KLHL32: variants seen among roughly 807,000 people sequenced by gnomAD.
The protein encoded by KLHL32 is kelch-like protein 32.
A neutral mutation model predicts 64.8 loss-of-function variants in KLHL32; 35 were observed. That is an observed-to-expected ratio of 0.54 (90% CI 0.41 to 0.72). The LOEUF (loss-of-function observed/expected upper bound fraction) is 0.72. Ranked by LOEUF, KLHL32 falls within the 30% of genes least tolerant of loss-of-function variation. The pLI is 0.00. For missense variants in KLHL32, 589 were observed against 768.5 expected, an observed-to-expected ratio of 0.77 and a Z score of 2.76; for synonymous variants, 259 against 281.0, an observed-to-expected ratio of 0.92 and a Z score of 0.78.
intron 3 of KLHL32, among the ~76,000 whole-genome samples, chr6:97,040,163 G>GT (rs1427509184): frequency 6.6e-6 from 1 of 151,898 alleles, no homozygotes; most frequent in African/African-American, 2.4e-5. Context: ...TTTTGGTTTT[G>GT]TTTTTTATGA....
At chr6:96,973,816 G>T (rs1476276859) in intron 2 of KLHL32, among the ~76,000 whole-genome samples, 1 of 147,562 alleles carries the variant, frequency 6.8e-6, no homozygotes, top group Non-Finnish European at 1.5e-5. Flanking sequence ...TCCACCTACT[G>T]GGTTCAAGCA....
At chr6:96,957,486 G>A (rs1562191246) in intron 1 of KLHL32, among the ~76,000 whole-genome samples, 1 of 152,164 alleles carries the variant, frequency 6.6e-6, no homozygotes, top group African/African-American at 2.4e-5. Context: ...TCTACATTGT[G>A]TCATCTATAA....
chr6:96,940,070 G>A (rs558886953), intron 1 of KLHL32, among the ~76,000 whole-genome samples: 4 of 152,256 alleles, frequency 2.6e-5, no homozygotes, highest in East Asian at 3.9e-4. Flanking sequence ...CTGCAAGTGC[G>A]AAGGTAACAT....
chr6:97,090,212 C>T lies in KLHL32; in HGVS notation c.627+4871C>T, dbSNP rs141641259. Among the ~76,000 whole-genome samples, 382 of 152,270 alleles carry T rather than the reference C, an allele frequency of 2.5e-3. 2 individuals carry two copies. Among genetic ancestry groups the T allele is most frequent in the Middle Eastern group, 0.017 (5 of 294 alleles). On this transcript the variant is annotated intron_variant, in intron 6 of 10. Coordinates refer to ENST00000369261, the MANE Select transcript of KLHL32 (RefSeq NM_052904.4). ...AAAATGTATTGAATGGATAATAAGA[C>T]ATCCTACTATTCCTACATTAGGCTG... is the stretch of plus-strand genomic sequence containing the variant.
chr6:96,988,884 C>T (rs942625479), intron 3 of KLHL32, among the ~76,000 whole-genome samples: 1 of 151,764 alleles, frequency 6.6e-6, no homozygotes, highest in African/African-American at 2.4e-5. Context: ...TGTTCTCACT[C>T]ACAGGTGGGA....
chr6:97,021,488 G>T (rs1368070446), intron 3 of KLHL32, among the ~76,000 whole-genome samples: 3 of 150,730 alleles, frequency 2.0e-5, no homozygotes, highest in Admixed American at 6.6e-5. Context: ...CTCTTTTTCA[G>T]TCTTTTGATT....
intron 9 of KLHL32, among the ~76,000 whole-genome samples, chr6:97,132,018 TTCTG>T (rs1400668296): frequency 6.6e-6 from 1 of 152,194 alleles, no homozygotes; most frequent in Admixed American, 6.5e-5. Context: ...TAGTGAGTTA[TTCTG>T]TCTTCTTTTT....
intron 8 of KLHL32, among the ~76,000 whole-genome samples, chr6:97,128,866 G>A (rs1766530): frequency 0.74 from 112,542 of 152,254 alleles, 42,183 homozygotes; most frequent in African/African-American, 0.87. Context: ...ACCAGATGGC[G>A]TCCATAGTCT....
intron 7 of KLHL32, among the ~76,000 whole-genome samples, chr6:97,121,645 G>T (rs540696537): frequency 5.6e-4 from 85 of 151,524 alleles, no homozygotes; most frequent in Admixed American, 3.3e-4. Flanking sequence ...GTTTTGTTTT[G>T]TTTTTTTTAA....
rs1256098671 is a variant in KLHL32 at position 97,114,040 on chromosome 6, T to C, written c.885T>C (p.Gly295=). 1.9e-6 allele frequency: 3 copies of C among 1,613,958 alleles called. No individual in the cohort carries two copies. The highest frequency in any genetic ancestry group is 2.5e-6 in the Non-Finnish European group (3 of 1,180,024). Residue 295 remains glycine (G), a synonymous_variant, in exon 7 of 11, where the codon GGT becomes GGC. Transcript: ENST00000369261. ...AGTCAGACACTCTGTATATCATTGG[T>C]GGGAAAAAGCGCGAGGTCTGCAAGG... ...RFQSDTLYII[G]GKKREVCKVK...
chr6:97,115,085 G>A (rs758426550), intron 7 of KLHL32, among the ~76,000 whole-genome samples: 5 of 152,122 alleles, frequency 3.3e-5, no homozygotes, highest in Non-Finnish European at 4.4e-5. Context: ...GTGCCATCTC[G>A]ACTCACTGCA....
chr6:97,081,116 C>T (rs1245271713), intron 5 of KLHL32, among the ~76,000 whole-genome samples: 1 of 152,186 alleles, frequency 6.6e-6, no homozygotes, highest in African/African-American at 2.4e-5. Context: ...ACAGACCACA[C>T]CTCCAGGACT....
intron 2 of KLHL32, among the ~76,000 whole-genome samples, chr6:96,973,460 G>A (rs1007104606): frequency 6.6e-6 from 1 of 152,164 alleles, no homozygotes; most frequent in Non-Finnish European, 1.5e-5. Flanking sequence ...TAAAAGTGGA[G>A]AAAGTAAGTT....
rs141921333 is a variant in KLHL32, at chr6:97,114,383, C to T, written c.1228C>T (p.Arg410Cys). The T allele has an allele frequency of 1.4e-4, 230 of 1,614,068 alleles. No homozygotes were observed. The highest frequency in any genetic ancestry group is 1.7e-4 in the Non-Finnish European group (199 of 1,180,044). ...TGCAGTTGGGGGCAGAAATGAACTG[C>T]GCCAGGTTCTGCCTACAGTTGAGCG... ...LYAVGGRNEL[R>C]QVLPTVERYC... The change falls in exon 7 of 11, where the codon CGC becomes TGC. Residue 410 changes from arginine to cysteine, a missense_variant. Arg to Cys is a radical substitution (Grantham distance 180). Coordinates refer to ENST00000369261, the MANE Select transcript of KLHL32 (RefSeq NM_052904.4).
intron 6 of KLHL32, among the ~76,000 whole-genome samples, chr6:97,094,788 A>AT (rs951739520): frequency 1.3e-5 from 2 of 152,204 alleles, no homozygotes; most frequent in Non-Finnish European, 2.9e-5. Context: ...GGTATTACTT[A>AT]TGCTTCAAGA....
Position 97,050,442 on chromosome 6 carries a change from G to A in KLHL32, c.312+8843G>A, listed in dbSNP as rs748322542. ...AGAGCATGGAGGTATGGCTGGCTTTGGCTTTTATTGTGGGGCAGGGGCAAG... is the reference window on the plus strand; with the variant it reads ...AGAGCATGGAGGTATGGCTGGCTTTAGCTTTTATTGTGGGGCAGGGGCAAG... On this transcript the variant is annotated intron_variant, in intron 4 of 10. Transcript: ENST00000369261. 1.2e-4 allele frequency among the ~76,000 whole-genome samples: 18 copies of A among 152,110 alleles called. No individual in the cohort carries two copies. The South Asian group carries it at 2.7e-3, about 23-fold the overall frequency.
At chr6:97,062,800 A>G (rs1789126783) in intron 4 of KLHL32, among the ~76,000 whole-genome samples, 1 of 152,232 alleles carries the variant, frequency 6.6e-6, no homozygotes, top group Non-Finnish European at 1.5e-5. Flanking sequence ...AAAGATATAT[A>G]ATGTGAGGTG....
intron 6 of KLHL32, among the ~76,000 whole-genome samples, chr6:97,098,760 A>C (rs1795319994): frequency 6.6e-6 from 1 of 152,188 alleles, no homozygotes; most frequent in Non-Finnish European, 1.5e-5. Context: ...ACTGCAGTAC[A>C]CCACAAATGA....
chr6:97,093,198 A>G (rs943447157), intron 6 of KLHL32, among the ~76,000 whole-genome samples: 1 of 152,210 alleles, frequency 6.6e-6, no homozygotes, highest in African/African-American at 2.4e-5. Context: ...ATAAAACCCA[A>G]CTATAAGCCA....
Sources: gnomAD v4.1 joint callset for allele counts (sites outside exome capture counted in the v4.1 genomes callset) on GRCh38, gnomAD v4.1.1 for gene constraint, MANE v1.5 for transcripts, NCBI Gene and HGNC (gene_info 2026-07-23, HGNC 2026-07-21) for gene names.